SPC25: variants seen among roughly 807,000 people sequenced by gnomAD.
SPC25 encodes the protein kinetochore protein Spc25.
A neutral mutation model predicts 29.6 loss-of-function variants in SPC25; 22 were observed. The ratio of observed to expected loss-of-function variants is 0.74; its 90% CI spans 0.53 to 1.06. The LOEUF is 1.06. Among genes scored for constraint, SPC25 ranks in the 50% least tolerant of loss-of-function variants. The pLI, the probability that SPC25 is intolerant of heterozygous loss-of-function variation, is 0.00. For missense variants in SPC25, 230 were observed against 255.8 expected (o/e 0.90, Z 0.69); for synonymous variants, 91 against 90.4 (o/e 1.01, Z -0.04).
chr2:168,870,191 T>A (rs1266747816), downstream of SPC25, among the ~76,000 whole-genome samples: 2 of 151,308 alleles, frequency 1.3e-5, no homozygotes, highest in African/African-American at 4.9e-5. Flanking sequence ...CCTTACACCT[T>A]ATACAAAAAT....
intron 6 of SPC25, among the ~76,000 whole-genome samples, chr2:168,871,810 C>G (rs575020075): frequency 2.0e-5 from 3 of 152,118 alleles, no homozygotes; most frequent in East Asian, 3.9e-4. Flanking sequence ...ACTGAAGGAT[C>G]GAAGAGTTTA....
intron 5 of SPC25, among the ~76,000 whole-genome samples, chr2:168,874,987 G>T (rs941913412): frequency 1.3e-5 from 2 of 152,116 alleles, no homozygotes; most frequent in African/African-American, 4.8e-5. Context: ...GTGATCTTGG[G>T]AAGCCCAGAC....
chr2:168,880,726 A>G (rs1690164542), intron 3 of SPC25, among the ~76,000 whole-genome samples: 1 of 152,246 alleles, frequency 6.6e-6, no homozygotes, highest in Admixed American at 6.5e-5. Context: ...TTGAACAATT[A>G]GAGGTCACTA....
chr2:168,877,191 T>C, intron 4 of SPC25, 47 bp downstream of exon 4: 1 of 1,597,944 alleles, frequency 6.3e-7, no homozygotes, highest in South Asian at 1.1e-5. Flanking sequence ...AGGTGAACCG[T>C]CACCACTTTC....
chr2:168,865,633 G>C (rs768501454), intron 4 of SPC25: 1 of 152,264 alleles, frequency 6.6e-6, no homozygotes, highest in South Asian at 2.1e-4. Flanking sequence ...AATCAGGCAG[G>C]AGAAGGAAAT....
chr2:168,862,123 G>T, intron 4 of SPC25: 1 of 1,343,138 alleles, frequency 7.4e-7, no homozygotes, highest in South Asian at 1.2e-5. Context: ...CCCTGTCTTA[G>T]TGTGGCAGCC....
downstream of SPC25, among the ~76,000 whole-genome samples, chr2:168,866,486 T>A (rs943337157): frequency 6.6e-6 from 1 of 152,366 alleles, no homozygotes. Flanking sequence ...TCAAGATGGA[T>A]TAAAGACTTA....
intron 1 of SPC25, among the ~76,000 whole-genome samples, chr2:168,890,024 A>G (rs1574368250): frequency 6.6e-6 from 1 of 152,126 alleles, no homozygotes; most frequent in East Asian, 1.9e-4. Flanking sequence ...GATGTATACA[A>G]GTCACCTCGG....
chr2:168,865,621 G>GCAAT (rs1559149759), intron 4 of SPC25: 1 of 152,180 alleles, frequency 6.6e-6, no homozygotes, highest in African/African-American at 2.4e-5. Flanking sequence ...TCTGGCCAGG[G>GCAAT]CAATCAGGCA....
intron 3 of SPC25, among the ~76,000 whole-genome samples, chr2:168,883,601 G>A (rs1286104155): frequency 6.6e-6 from 1 of 151,918 alleles, no homozygotes; most frequent in Non-Finnish European, 1.5e-5. Context: ...GGATAACATT[G>A]GCTACCTCAT....
At chr2:168,870,406 CAG>C (rs1263751612), downstream of SPC25, among the ~76,000 whole-genome samples, 1,970 of 151,264 alleles carry the variant, frequency 0.013, 53 homozygotes, top group African/African-American at 0.045. Flanking sequence ...AAACCACCAT[CAG>C]AGTGAACAGG....
chr2:168,870,709 A>T (rs1187083899), downstream of SPC25, among the ~76,000 whole-genome samples: 1 of 151,396 alleles, frequency 6.6e-6, no homozygotes, highest in Non-Finnish European at 1.5e-5. Context: ...AGAAAACAAC[A>T]GGTGCTGGAG....
rs763325235 is a variant in SPC25 at position 168,888,970 on chromosome 2, T to TACAC, written c.199+255_199+256insGTGT. Among the ~76,000 whole-genome samples, 44 of 92,104 alleles carry TACAC rather than the reference T, an allele frequency of 4.8e-4. 2 individuals carry two copies. The highest frequency in any genetic ancestry group is 1.6e-3 in the African/African-American group (32 of 20,132). 60.4% of individuals were successfully genotyped at this position (92,104 alleles called of 152,430 possible). On this transcript the variant is annotated intron_variant, in intron 3 of 6. Coordinates refer to ENST00000282074, the MANE Select transcript of SPC25 (RefSeq NM_020675.4). ...GTGTGTGTGTGTGTATATATATATA[T>TACAC]ATACACACACACATATATATGTATA...
At chr2:168,882,098 T>A (rs1654355623) in intron 3 of SPC25, among the ~76,000 whole-genome samples, 1 of 152,246 alleles carries the variant, frequency 6.6e-6, no homozygotes, top group African/African-American at 2.4e-5. Context: ...ATTTTATGCT[T>A]CTAAATATTA....
chr2:168,862,094 A>G (rs1689494897), intron 4 of SPC25: 1 of 1,538,248 alleles, frequency 6.5e-7, no homozygotes, highest in Non-Finnish European at 9.0e-7. Flanking sequence ...CCATATTGAG[A>G]TTCTTAGCAT....
downstream of SPC25, among the ~76,000 whole-genome samples, chr2:168,868,084 C>A (rs1689902181): frequency 6.6e-6 from 1 of 152,166 alleles, no homozygotes; most frequent in Non-Finnish European, 1.5e-5. Context: ...GGAAACTGAA[C>A]AACCTGCTCC....
chr2:168,875,817 A>G (rs763427051), intron 5 of SPC25, among the ~76,000 whole-genome samples: 8 of 152,172 alleles, frequency 5.3e-5, no homozygotes, highest in Non-Finnish European at 8.8e-5. Context: ...TCAGAATACA[A>G]TGCTGATAGG....
At chr2:168,882,214 C>A (rs185746460) in intron 3 of SPC25, among the ~76,000 whole-genome samples, 1 of 152,286 alleles carries the variant, frequency 6.6e-6, no homozygotes, top group East Asian at 1.9e-4. Flanking sequence ...GTGCCGAAAT[C>A]CAAAATAAAT....
intron 6 of SPC25, 53 bp from the exon 7 acceptor site, chr2:168,871,608 G>A: frequency 6.8e-7 from 1 of 1,477,790 alleles, no homozygotes; most frequent in Non-Finnish European, 9.1e-7. Flanking sequence ...TTTTTTTATG[G>A]CACAGAAGTA....
Sources: gnomAD v4.1 joint callset for allele counts (sites outside exome capture counted in the v4.1 genomes callset) on GRCh38, gnomAD v4.1.1 for gene constraint, MANE v1.5 for transcripts, NCBI Gene and HGNC (gene_info 2026-07-23, HGNC 2026-07-21) for gene names.